ANAPC10: variants seen among roughly 807,000 people sequenced by gnomAD.
ANAPC10 encodes anaphase promoting complex subunit 10, also known as anaphase-promoting complex subunit 10.
ANAPC10 carries 12 observed loss-of-function variants against 22.0 expected under a neutral mutation model. The ratio of observed to expected loss-of-function variants is 0.55; its 90% CI spans 0.35 to 0.88. The LOEUF is 0.88. Ranked by LOEUF, ANAPC10 falls within the 40% of genes least tolerant of loss-of-function variation. The probability of loss-of-function intolerance (pLI) is 0.01; values close to 1 mark genes in which losing one functional copy is unlikely to be tolerated. For synonymous variants in ANAPC10, 65 were observed against 69.5 expected, an observed-to-expected ratio of 0.94 and a Z score of 0.32; for missense variants, 188 against 220.9, an observed-to-expected ratio of 0.85 and a Z score of 0.94.
rs181413150 is a variant in ANAPC10, at chr4:144,995,649, T to C, written c.328-46A>G. On this transcript the variant is annotated intron_variant, in intron 4 of 4. Transcript: ENST00000507656. The stretch of plus-strand genomic sequence containing the variant: ...AGATTATGCTTTTATTCAACAAATA[T>C]AATTTATAACAATGAATGCATTCTA... 1.1e-3 allele frequency: 1,514 copies of C among 1,328,170 alleles called. 3 individuals are homozygous for C. Among genetic ancestry groups the C allele is most frequent in the Middle Eastern group, 8.2e-3 (44 of 5,336 alleles). The allele number at this position is 1,328,170 out of a possible 1,614,324, so 82.3% of individuals were successfully genotyped here.
intron 4 of ANAPC10, among the ~76,000 whole-genome samples, chr4:145,057,178 G>T (rs980239382): frequency 6.6e-6 from 1 of 152,060 alleles, no homozygotes; most frequent in Non-Finnish European, 1.5e-5. Flanking sequence ...AATAAGAAAA[G>T]ATAGAATTCC....
intron 2 of ANAPC10, among the ~76,000 whole-genome samples, chr4:145,090,109 A>G (rs1473989088): frequency 6.6e-6 from 1 of 152,108 alleles, no homozygotes; most frequent in Non-Finnish European, 1.5e-5. Flanking sequence ...ACATATTATC[A>G]TTTCTTGGCA....
At chr4:145,078,161 A>G (rs1239645703) in intron 3 of ANAPC10, among the ~76,000 whole-genome samples, 2 of 152,244 alleles carry the variant, frequency 1.3e-5, no homozygotes, top group East Asian at 1.9e-4. Context: ...TCTGATGAAC[A>G]ACTTCAGCAA....
intron 4 of ANAPC10, among the ~76,000 whole-genome samples, chr4:145,039,168 T>C (rs1739117724): frequency 6.6e-6 from 1 of 151,962 alleles, no homozygotes; most frequent in African/African-American, 2.4e-5. Flanking sequence ...AGTGGCATTG[T>C]ATTTCTCAAC....
At chr4:145,087,365 CTTTT>C in intron 2 of ANAPC10, among the ~76,000 whole-genome samples, 1 of 151,142 alleles carries the variant, frequency 6.6e-6, no homozygotes, top group East Asian at 1.9e-4. Context: ...CTGTTTTTTT[CTTTT>C]TTTTTGAGAC....
At chr4:145,091,087 GAAGT>G (rs1747610041) in intron 2 of ANAPC10, among the ~76,000 whole-genome samples, 1 of 152,160 alleles carries the variant, frequency 6.6e-6, no homozygotes, top group African/African-American at 2.4e-5. Context: ...AAAATCACAT[GAAGT>G]AAGACATATG....
chr4:145,034,938 G>A (rs1578983269), intron 4 of ANAPC10, among the ~76,000 whole-genome samples: 1 of 152,156 alleles, frequency 6.6e-6, no homozygotes, highest in Non-Finnish European at 1.5e-5. Flanking sequence ...GGATTTCAGA[G>A]AGCAGCAGCT....
chr4:145,084,173 A>C (rs1260964501), intron 2 of ANAPC10, among the ~76,000 whole-genome samples: 2 of 152,186 alleles, frequency 1.3e-5, no homozygotes, highest in African/African-American at 2.4e-5. Flanking sequence ...GTTCCACGTA[A>C]TCCAAACATG....
rs1260215940 is a variant in ANAPC10 at position 145,026,965 on chromosome 4, A to G, written c.328-31362T>C. Reference sequence around the variant, plus strand: ...TATATATGTGTGTGTGTGTATATATATATATATATATATATATATATATTT... The same window carrying G: ...TATATATGTGTGTGTGTGTATATATGTATATATATATATATATATATATTT... On this transcript the variant is annotated intron_variant, in intron 4 of 4. Transcript: ENST00000507656. Among the ~76,000 whole-genome samples, 66 of 24,054 alleles carry G rather than the reference A, an allele frequency of 2.7e-3. 2 individuals are homozygous for G. Among genetic ancestry groups the G allele is most frequent in the East Asian group, 9.7e-3 (3 of 310 alleles). 15.8% of individuals were successfully genotyped at this position (24,054 alleles called of 152,430 possible). A position where few individuals can be genotyped will look rare whatever the true frequency, so the allele number is the denominator to read the frequency against.
At chr4:145,017,484 G>C (rs951537011) in intron 4 of ANAPC10, among the ~76,000 whole-genome samples, 1 of 152,192 alleles carries the variant, frequency 6.6e-6, no homozygotes, top group Non-Finnish European at 1.5e-5. Flanking sequence ...GTGCTGGAGA[G>C]GATGTGGAGA....
intron 4 of ANAPC10, among the ~76,000 whole-genome samples, chr4:145,009,546 A>C (rs2126910029): frequency 6.6e-6 from 1 of 152,302 alleles, no homozygotes; most frequent in East Asian, 1.9e-4. Flanking sequence ...ATGTTTGACA[A>C]ACCTGACAAA....
chr4:145,002,681 T>G (rs958373936), intron 4 of ANAPC10, among the ~76,000 whole-genome samples: 3 of 152,096 alleles, frequency 2.0e-5, no homozygotes, highest in Admixed American at 6.6e-5. Context: ...AAGCCCAAGA[T>G]AGTAAACACA....
intron 2 of ANAPC10, among the ~76,000 whole-genome samples, chr4:145,095,740 T>C (rs561172544): frequency 6.6e-6 from 1 of 152,352 alleles, no homozygotes; most frequent in South Asian, 2.1e-4. Flanking sequence ...ATTGTTATAA[T>C]TGTTCTATTT....
At chr4:145,025,255 T>C (rs1736490807) in intron 4 of ANAPC10, among the ~76,000 whole-genome samples, 1 of 152,020 alleles carries the variant, frequency 6.6e-6, no homozygotes, top group Non-Finnish European at 1.5e-5. Flanking sequence ...TTCACTAGAG[T>C]AGCACTTTTA....
At chr4:145,088,367 G>T (rs1267709575) in intron 2 of ANAPC10, among the ~76,000 whole-genome samples, 3 of 152,138 alleles carry the variant, frequency 2.0e-5, no homozygotes, top group African/African-American at 7.2e-5. Flanking sequence ...AGCCTCTACA[G>T]TCAATTGCTT....
intron 1 of ANAPC10, among the ~76,000 whole-genome samples, chr4:145,096,625 T>G (rs1365045760): frequency 2.0e-5 from 3 of 152,216 alleles, no homozygotes; most frequent in Non-Finnish European, 4.4e-5. Flanking sequence ...ATTCTGTGCC[T>G]GAAAATTCAA....
chr4:145,075,615 G>A (rs1745079888), intron 3 of ANAPC10, among the ~76,000 whole-genome samples: 1 of 152,144 alleles, frequency 6.6e-6, no homozygotes, highest in South Asian at 2.1e-4. Context: ...GAATGGGGTT[G>A]CTGAGCACCA....
At chr4:145,065,275 T>C (rs901336105) in intron 3 of ANAPC10, among the ~76,000 whole-genome samples, 3 of 151,786 alleles carry the variant, frequency 2.0e-5, no homozygotes, top group Non-Finnish European at 4.4e-5. Flanking sequence ...AAGAAACACA[T>C]AATAGAAAAC....
chr4:145,015,261 C>A (rs962029033), intron 4 of ANAPC10, among the ~76,000 whole-genome samples: 1 of 151,760 alleles, frequency 6.6e-6, no homozygotes, highest in Non-Finnish European at 1.5e-5. Flanking sequence ...AACTTCAGGA[C>A]GCATTGGATA....
Sources: gnomAD v4.1 joint callset for allele counts (sites outside exome capture counted in the v4.1 genomes callset) on GRCh38, gnomAD v4.1.1 for gene constraint, MANE v1.5 for transcripts, NCBI Gene and HGNC (gene_info 2026-07-23, HGNC 2026-07-21) for gene names.